Variants in GABRB2 observed in about 807,000 individuals in gnomAD.
GABRB2 encodes the protein gamma-aminobutyric acid receptor subunit beta-2.
GABRB2 carries 16 observed loss-of-function variants against 54.7 expected under a neutral mutation model. The observed-to-expected ratio is 0.29, with a 90% CI of 0.20 to 0.44. GABRB2 has a LOEUF of 0.44. Among genes scored for constraint, GABRB2 ranks in the 20% least tolerant of loss-of-function variants. The pLI is 1.00. For missense variants in GABRB2, 355 were observed against 644.0 expected, an observed-to-expected ratio of 0.55 and a Z score of 4.86; for synonymous variants, 244 against 233.8, an observed-to-expected ratio of 1.04 and a Z score of -0.40.
chr5:161,513,050 A>T (rs1759827617), intron 3 of GABRB2, among the ~76,000 whole-genome samples: 1 of 150,820 alleles, frequency 6.6e-6, no homozygotes, highest in Admixed American at 6.6e-5. Flanking sequence ...AGATAAAAAG[A>T]AAAAAGAAAA....
chr5:161,542,897 C>A (rs891864512), intron 3 of GABRB2, among the ~76,000 whole-genome samples: 1 of 152,134 alleles, frequency 6.6e-6, no homozygotes, highest in Non-Finnish European at 1.5e-5. Context: ...TATTTAGACA[C>A]CAGAGATGGA....
intron 5 of GABRB2, among the ~76,000 whole-genome samples, chr5:161,371,166 G>T (rs1213500303): frequency 6.6e-6 from 1 of 152,072 alleles, no homozygotes; most frequent in Non-Finnish European, 1.5e-5. Flanking sequence ...TGGATTACAA[G>T]GCTGTTATTA....
chr5:161,338,846 T>A (rs898815806), intron 5 of GABRB2, among the ~76,000 whole-genome samples: 9 of 152,038 alleles, frequency 5.9e-5, no homozygotes, highest in Non-Finnish European at 1.3e-4. Flanking sequence ...CAACATACAT[T>A]CTAGGTATTA....
At chr5:161,414,483 C>A (rs1208782963) in intron 4 of GABRB2, among the ~76,000 whole-genome samples, 3 of 152,216 alleles carry the variant, frequency 2.0e-5, no homozygotes, top group Admixed American at 1.3e-4. Flanking sequence ...AATACCCATA[C>A]ACTTACATTA....
At chr5:161,323,966 G>C (rs1000330183) in intron 9 of GABRB2, among the ~76,000 whole-genome samples, 1 of 152,088 alleles carries the variant, frequency 6.6e-6, no homozygotes, top group Admixed American at 6.6e-5. Context: ...AGGAACAATG[G>C]TGTGTAAACC....
intron 9 of GABRB2, among the ~76,000 whole-genome samples, chr5:161,312,281 A>G (rs1185239718): frequency 2.0e-5 from 3 of 152,180 alleles, no homozygotes; most frequent in African/African-American, 7.2e-5. Context: ...TGTTAATTTG[A>G]CACAGCCTTG....
intron 3 of GABRB2, among the ~76,000 whole-genome samples, chr5:161,524,750 C>T (rs1249457267): frequency 6.6e-6 from 1 of 151,098 alleles, no homozygotes; most frequent in African/African-American, 2.4e-5. Context: ...GAGGCAGAGA[C>T]CCTCATATTA....
chr5:161,438,541 A>G (rs1446560143), intron 4 of GABRB2, among the ~76,000 whole-genome samples: 1 of 152,110 alleles, frequency 6.6e-6, no homozygotes, highest in African/African-American at 2.4e-5. Flanking sequence ...GACCTCACCA[A>G]ATGAATGAAA....
At chr5:161,457,771 AT>A (rs1222983412) in intron 4 of GABRB2, among the ~76,000 whole-genome samples, 1 of 152,112 alleles carries the variant, frequency 6.6e-6, no homozygotes, top group African/African-American at 2.4e-5. Flanking sequence ...TTCTAAAGGC[AT>A]TCTGATTTTG....
rs1580984697 is a variant in GABRB2 at position 161,330,913 on chromosome 5, G to C, written c.1047C>G (p.Asn349Lys). 6.2e-7 allele frequency: 1 copy of C among 1,614,214 alleles called. No homozygotes were observed. The part of the protein sequence containing the change: ...KKAAEKAASA[N>K]NEKMRLDVNK... ...TGACATCCAGGCGCATCTTCTCATT[G>C]TTGGCACTGGCAGCCTTCTCAGCTG... Residue 349 changes from asparagine to lysine, a missense_variant, in exon 8 of 10, where the codon AAC becomes AAG. Coordinates refer to ENST00000393959, the MANE Select transcript of GABRB2 (RefSeq NM_001371727.1).
intron 3 of GABRB2, among the ~76,000 whole-genome samples, chr5:161,535,850 G>A (rs558741046): frequency 6.6e-6 from 1 of 152,216 alleles, no homozygotes; most frequent in African/African-American, 2.4e-5. Flanking sequence ...AAGAGTCATG[G>A]GGGCAGAGCT....
intron 5 of GABRB2, among the ~76,000 whole-genome samples, chr5:161,364,701 A>T (rs1244690452): frequency 6.6e-6 from 1 of 152,164 alleles, no homozygotes; most frequent in East Asian, 1.9e-4. Flanking sequence ...TATTTACATT[A>T]GATCCTTCTG....
chr5:161,515,013 A>G (rs1469297764), intron 3 of GABRB2, among the ~76,000 whole-genome samples: 2 of 152,176 alleles, frequency 1.3e-5, no homozygotes, highest in South Asian at 2.1e-4. Context: ...GTATTTGTCA[A>G]TGCTGCCATG....
intron 4 of GABRB2, among the ~76,000 whole-genome samples, chr5:161,440,497 T>C (rs1345027909): frequency 6.6e-6 from 1 of 152,136 alleles, no homozygotes; most frequent in Non-Finnish European, 1.5e-5. Context: ...ACAAAGGTTA[T>C]TATATAATGA....
intron 5 of GABRB2, among the ~76,000 whole-genome samples, chr5:161,389,791 A>G (rs1181367357): frequency 6.6e-6 from 1 of 152,054 alleles, no homozygotes; most frequent in Non-Finnish European, 1.5e-5. Flanking sequence ...AATATTTTAC[A>G]TGGGTTTCTC....
intron 3 of GABRB2, among the ~76,000 whole-genome samples, chr5:161,465,732 A>G (rs1758259874): frequency 6.6e-6 from 1 of 152,116 alleles, no homozygotes; most frequent in South Asian, 2.1e-4. Flanking sequence ...ATATTTAAAT[A>G]TACACAATAC....
At chr5:161,542,759 G>T (rs1204304162) in intron 3 of GABRB2, among the ~76,000 whole-genome samples, 1 of 152,156 alleles carries the variant, frequency 6.6e-6, no homozygotes. Flanking sequence ...AGGGATAAAT[G>T]TGTCTGTTAA....
intron 5 of GABRB2, among the ~76,000 whole-genome samples, chr5:161,355,127 G>A (rs984207362): frequency 6.6e-6 from 1 of 151,460 alleles, no homozygotes; most frequent in South Asian, 2.1e-4. Context: ...TATAATAATT[G>A]CTTTTTATAA....
At chr5:161,428,266 T>C (rs576047567) in intron 4 of GABRB2, among the ~76,000 whole-genome samples, 101 of 150,862 alleles carry the variant, frequency 6.7e-4, no homozygotes, top group African/African-American at 2.3e-3. Context: ...CAAATTAACA[T>C]ATCTATCATC....
Sources: gnomAD v4.1 joint callset for allele counts (sites outside exome capture counted in the v4.1 genomes callset) on GRCh38, gnomAD v4.1.1 for gene constraint, MANE v1.5 for transcripts, NCBI Gene and HGNC (gene_info 2026-07-23, HGNC 2026-07-21) for gene names.